The following PTPRN2 variants were observed in gnomAD, a reference collection of about 807,000 sequenced individuals.
PTPRN2 encodes receptor-type tyrosine-protein phosphatase N2.
A neutral mutation model predicts 118.8 loss-of-function variants in PTPRN2; 74 were observed. The ratio of observed to expected loss-of-function variants is 0.62; its 90% CI spans 0.52 to 0.76. The LOEUF (loss-of-function observed/expected upper bound fraction) is 0.76. Among genes scored for constraint, PTPRN2 ranks in the 30% least tolerant of loss-of-function variants. The pLI is 0.00. For missense variants in PTPRN2, 1,481 were observed against 1,394.4 expected, an observed-to-expected ratio of 1.06 and a Z score of -0.99; for synonymous variants, 641 against 608.0, an observed-to-expected ratio of 1.05 and a Z score of -0.80.
intron 12 of PTPRN2, among the ~76,000 whole-genome samples, chr7:157,782,943 A>C (rs1563103726): frequency 6.6e-6 from 1 of 152,194 alleles, no homozygotes; most frequent in Non-Finnish European, 1.5e-5. Flanking sequence ...CTCATCTTGA[A>C]TTGTCCCATA....
In PTPRN2 at chr7:157,974,869, G is replaced by C. The variant is rs947816338; in HGVS notation, c.1724-76132C>G. Among the ~76,000 whole-genome samples, 3 of 152,112 alleles carry C rather than the reference G, an allele frequency of 2.0e-5. No individual in the cohort carries two copies. The highest frequency in any genetic ancestry group is 7.2e-5 in the African/African-American group (3 of 41,410). ...GCGGGCACTGAGAAGAGGTGCCCAC[G>C]TCCATCCCCAGCCCCTCAGGCATGT... On this transcript the variant is annotated intron_variant, in intron 11 of 22. Transcript: ENST00000389418. The surrounding 1 kb of genome is among the most constrained non-coding windows in gnomAD (Gnocchi z 4.0).
At chr7:158,092,469 G>A (rs1814275011) in intron 10 of PTPRN2, among the ~76,000 whole-genome samples, 1 of 151,780 alleles carries the variant, frequency 6.6e-6, no homozygotes, top group Non-Finnish European at 1.5e-5. Context: ...TGATAGGTGG[G>A]TGGTTTGGTG....
At chr7:157,691,675 C>A (rs1797505686) in intron 12 of PTPRN2, among the ~76,000 whole-genome samples, 1 of 152,216 alleles carries the variant, frequency 6.6e-6, no homozygotes, top group Non-Finnish European at 1.5e-5. Context: ...CCTTGCCCTT[C>A]CCCCTACCCA....
At chr7:157,553,792 T>G (rs1025477652) in intron 21 of PTPRN2, among the ~76,000 whole-genome samples, 3 of 152,248 alleles carry the variant, frequency 2.0e-5, no homozygotes, top group African/African-American at 7.2e-5. Flanking sequence ...GGACGGCTCC[T>G]GCTTCTTGCA....
At chr7:157,573,039 G>T (rs567111301) in intron 19 of PTPRN2, among the ~76,000 whole-genome samples, 1 of 152,248 alleles carries the variant, frequency 6.6e-6, no homozygotes, top group Non-Finnish European at 1.5e-5. Flanking sequence ...GAATAAAGAG[G>T]TTGGAAAACA....
intron 2 of PTPRN2, among the ~76,000 whole-genome samples, chr7:158,379,055 G>A (rs1207724808): frequency 4.0e-5 from 6 of 150,230 alleles, no homozygotes; most frequent in Non-Finnish European, 8.9e-5. Context: ...AGGGTGCGGG[G>A]TGAGAAGTGC....
At chr7:157,657,925 CAG>C (rs1795672365) in intron 13 of PTPRN2, among the ~76,000 whole-genome samples, 7 of 143,612 alleles carry the variant, frequency 4.9e-5, no homozygotes, top group Non-Finnish European at 9.2e-5. Flanking sequence ...ACACACATCG[CAG>C]ACACACCACA....
intron 11 of PTPRN2, among the ~76,000 whole-genome samples, chr7:158,027,082 G>A (rs898839499): frequency 4.6e-5 from 7 of 152,148 alleles, no homozygotes; most frequent in African/African-American, 9.7e-5. Context: ...AGGCAGGTCC[G>A]GGGTCCTAGA....
At chr7:158,279,202 G>T (rs1032732341) in intron 3 of PTPRN2, among the ~76,000 whole-genome samples, 1 of 152,162 alleles carries the variant, frequency 6.6e-6, no homozygotes, top group Admixed American at 6.5e-5. Context: ...GAGTTGATTG[G>T]TCCATTTTAC....
At chr7:158,481,138 T>C (rs1432666591) in intron 2 of PTPRN2, among the ~76,000 whole-genome samples, 1 of 152,376 alleles carries the variant, frequency 6.6e-6, no homozygotes, top group Non-Finnish European at 1.5e-5. Context: ...CTGATGCAGC[T>C]GAGGACTTTA....
intron 12 of PTPRN2, among the ~76,000 whole-genome samples, chr7:157,736,496 G>T (rs922496558): frequency 6.6e-6 from 1 of 152,228 alleles, no homozygotes; most frequent in Middle Eastern, 3.2e-3. Context: ...GACATGGGGA[G>T]AAGATGCTGT....
chr7:158,029,684 T>A (rs1345891491), intron 11 of PTPRN2: 1 of 152,138 alleles, frequency 6.6e-6, no homozygotes, highest in Non-Finnish European at 1.5e-5. Flanking sequence ...AATAACACGT[T>A]CACAGGGGCT....
intron 11 of PTPRN2, among the ~76,000 whole-genome samples, chr7:158,072,394 G>A (rs534203995): frequency 9.2e-5 from 14 of 152,260 alleles, no homozygotes; most frequent in Middle Eastern, 3.4e-3. Flanking sequence ...TGGCATTCCC[G>A]TGCTGGGAGG....
intron 14 of PTPRN2, among the ~76,000 whole-genome samples, chr7:157,634,818 C>G (rs1210272334): frequency 2.0e-5 from 3 of 152,208 alleles, no homozygotes; most frequent in African/African-American, 7.2e-5. Flanking sequence ...AGGGAGACAG[C>G]AAGTTTGAGA....
chr7:158,138,615 A>G (rs1239296807), intron 6 of PTPRN2, 100 bp from the exon 7 acceptor site: 1 of 1,136,962 alleles, frequency 8.8e-7, no homozygotes, highest in Non-Finnish European at 1.3e-6. Context: ...GCGGCGTCCC[A>G]AGGCAGTGGC....
intron 10 of PTPRN2, among the ~76,000 whole-genome samples, chr7:158,086,848 G>C (rs979490619): frequency 1.3e-5 from 2 of 152,168 alleles, no homozygotes; most frequent in South Asian, 4.1e-4. Context: ...CGACTGCCTA[G>C]CATCTGTGTT....
At chr7:157,954,823 C>T (rs1801083450) in intron 11 of PTPRN2, among the ~76,000 whole-genome samples, 2 of 152,180 alleles carry the variant, frequency 1.3e-5, no homozygotes, top group Admixed American at 6.5e-5. Flanking sequence ...AGAACCAAAT[C>T]AGGTGAGGTG....
At chr7:157,827,854 T>C (rs1002822633) in intron 12 of PTPRN2, among the ~76,000 whole-genome samples, 12 of 152,050 alleles carry the variant, frequency 7.9e-5, no homozygotes, top group African/African-American at 2.7e-4. Context: ...GTTCCCAGAG[T>C]CTCAGTGCCT....
At chr7:157,920,595 T>G (rs1362505777) in intron 11 of PTPRN2, among the ~76,000 whole-genome samples, 1 of 152,198 alleles carries the variant, frequency 6.6e-6, no homozygotes, top group Non-Finnish European at 1.5e-5. Flanking sequence ...ATCAATACAT[T>G]TTATAAGCCA....
Sources: allele counts gnomAD v4.1 joint callset (sites outside exome capture counted in the v4.1 genomes callset), GRCh38; gene constraint gnomAD v4.1.1; non-coding constraint Gnocchi (gnomAD v3.1); transcripts MANE v1.5; gene names NCBI Gene and HGNC (gene_info 2026-07-23, HGNC 2026-07-21).